KCNU1: variants seen among roughly 807,000 people sequenced by gnomAD.
KCNU1 encodes potassium channel subfamily U member 1.
Under a neutral mutation model 126.8 loss-of-function variants are expected in KCNU1, and 93 were observed. The observed-to-expected ratio is 0.73, with a 90% CI of 0.62 to 0.87. The LOEUF (loss-of-function observed/expected upper bound fraction) is 0.87, where lower values mean the gene tolerates loss of function less well. Ranked by LOEUF, KCNU1 falls within the 40% of genes least tolerant of loss-of-function variation. The pLI, the probability that KCNU1 is intolerant of heterozygous loss-of-function variation, is 0.00. For missense variants in KCNU1, 1,330 were observed against 1,367.1 expected (o/e 0.97, Z 0.43); for synonymous variants, 523 against 494.2 (o/e 1.06, Z -0.77).
At chr8:36,793,727 A>G (rs1287243624) in intron 2 of KCNU1, among the ~76,000 whole-genome samples, 1 of 148,634 alleles carries the variant, frequency 6.7e-6, no homozygotes, top group Non-Finnish European at 1.5e-5. Flanking sequence ...TAGTTGTCCT[A>G]GTGTAATTGT....
intron 10 of KCNU1, among the ~76,000 whole-genome samples, chr8:36,820,141 C>A (rs1377236895): frequency 6.6e-6 from 1 of 152,116 alleles, no homozygotes; most frequent in Non-Finnish European, 1.5e-5. Flanking sequence ...ATGAATGTAC[C>A]TACGTGGATG....
At chr8:36,875,999 A>G (rs1806266680) in intron 19 of KCNU1, among the ~76,000 whole-genome samples, 2 of 152,132 alleles carry the variant, frequency 1.3e-5, no homozygotes, top group South Asian at 4.1e-4. Flanking sequence ...TCAGCCTTGG[A>G]AACCAGTTTT....
At chr8:36,933,731 T>G (rs1000914831) in intron 26 of KCNU1, among the ~76,000 whole-genome samples, 1 of 152,020 alleles carries the variant, frequency 6.6e-6, no homozygotes, top group African/African-American at 2.4e-5. Context: ...TTACTCAAAG[T>G]GGAGTGGTCT....
chr8:36,854,139 T>G (rs4440631), intron 18 of KCNU1, among the ~76,000 whole-genome samples: 53,704 of 151,936 alleles, frequency 0.35, 10,049 homozygotes, highest in Admixed American at 0.43. Flanking sequence ...TCTTGCTGAC[T>G]TGAAGACCCT....
At chr8:36,803,834 C>T (rs1331503270) in intron 2 of KCNU1, among the ~76,000 whole-genome samples, 193 bp from the exon 3 acceptor site, 1 of 151,984 alleles carries the variant, frequency 6.6e-6, no homozygotes, top group African/African-American at 2.4e-5. Context: ...TTTTAATACT[C>T]AGAAAAGGTC....
chr8:36,893,128 CT>C (rs930189904), intron 19 of KCNU1, among the ~76,000 whole-genome samples: 1 of 140,124 alleles, frequency 7.1e-6, no homozygotes, highest in Non-Finnish European at 1.6e-5. Flanking sequence ...TGCCTAGCTA[CT>C]TTTTGTTTTT....
intron 7 of KCNU1, among the ~76,000 whole-genome samples, chr8:36,812,334 C>T (rs1803751203): frequency 7.0e-6 from 1 of 142,306 alleles, no homozygotes; most frequent in Admixed American, 7.2e-5. Context: ...GGGCTGAGAT[C>T]ATACCACTGC....
chr8:36,790,012 TA>T (rs1237654239), intron 2 of KCNU1, among the ~76,000 whole-genome samples: 20 of 152,136 alleles, frequency 1.3e-4, no homozygotes, highest in African/African-American at 4.3e-4. Flanking sequence ...TATTCTAAGG[TA>T]AAGGGATGTC....
At chr8:36,868,398 G>T (rs1467778732) in intron 19 of KCNU1, among the ~76,000 whole-genome samples, 2 of 152,046 alleles carry the variant, frequency 1.3e-5, no homozygotes, top group African/African-American at 4.8e-5. Flanking sequence ...TAAAGTATGT[G>T]CTATGTGCTA....
chr8:36,815,747 C>A, intron 9 of KCNU1, 60 bp downstream of exon 9: 1 of 948,540 alleles, frequency 1.1e-6, no homozygotes, highest in South Asian at 1.5e-5. Context: ...CCATATATCT[C>A]GTTCTAGACA....
Position 36,903,399 on chromosome 8 carries a change from A to G in KCNU1, c.2010-2309A>G, listed in dbSNP as rs138144829. ...TTGTATTTCTCCCAAGATGTAGAGT[A>G]AAATCGCATGGGAGAACATTGTTAT... On this transcript the variant is annotated intron_variant, in intron 19 of 26. Coordinates refer to ENST00000399881, the MANE Select transcript of KCNU1 (RefSeq NM_001031836.3). Among the ~76,000 whole-genome samples the G allele has an allele frequency of 1.9e-4, 29 of 152,312 alleles. No homozygotes were observed. In the East Asian group the frequency reaches 5.4e-3, roughly 28 times the overall value.
At chr8:36,787,802 ATAGT>A (rs1415418123) in intron 2 of KCNU1, among the ~76,000 whole-genome samples, 1 of 147,770 alleles carries the variant, frequency 6.8e-6, no homozygotes, top group Non-Finnish European at 1.5e-5. Context: ...CTTACTAATT[ATAGT>A]TAATTACTAA....
intron 16 of KCNU1, 40 bp from the exon 17 acceptor site, chr8:36,845,540 C>G: frequency 1.6e-6 from 2 of 1,217,328 alleles, no homozygotes; most frequent in Non-Finnish European, 2.4e-6. Context: ...CCACTGAAAT[C>G]AGAGGGAAAC....
Position 36,784,609 on chromosome 8 carries a change from A to G in KCNU1, c.195+4A>G. 1.2e-6 allele frequency: 2 copies of G among 1,605,916 alleles called. No homozygotes were observed. The highest frequency in any genetic ancestry group is 1.7e-6 in the Non-Finnish European group (2 of 1,174,764). ...CAAGGGAACAGGAATTATCTTGGTC[A>G]GTTTCCTTGTTAGGGATCCCTCTGT... On this transcript the variant is annotated splice_donor_region_variant and intron_variant, in intron 1 of 26. Coordinates refer to ENST00000399881, the MANE Select transcript of KCNU1 (RefSeq NM_001031836.3).
chr8:36,896,820 CT>C (rs1388439883), intron 19 of KCNU1, among the ~76,000 whole-genome samples: 1 of 151,978 alleles, frequency 6.6e-6, no homozygotes, highest in Non-Finnish European at 1.5e-5. Context: ...AACATTTCTT[CT>C]TGCAAAATAA....
intron 19 of KCNU1, among the ~76,000 whole-genome samples, chr8:36,892,343 G>C (rs1806996354): frequency 6.6e-6 from 1 of 151,660 alleles, no homozygotes; most frequent in Non-Finnish European, 1.5e-5. Flanking sequence ...CTGATATTTT[G>C]TATTCAGTGC....
At chr8:36,931,749 G>A (rs1808709854) in intron 25 of KCNU1, among the ~76,000 whole-genome samples, 1 of 152,042 alleles carries the variant, frequency 6.6e-6, no homozygotes, top group Admixed American at 6.6e-5. Flanking sequence ...GCTGAAATCA[G>A]GCAGAAGACT....
At chr8:36,933,265 C>T (rs1271843226) in intron 26 of KCNU1, among the ~76,000 whole-genome samples, 2 of 152,040 alleles carry the variant, frequency 1.3e-5, no homozygotes, top group Middle Eastern at 3.2e-3. Flanking sequence ...TCTCTGTCCC[C>T]CAGTGAAAAT....
rs1165542087 is a variant in KCNU1, at chr8:36,909,510, A to G, written c.2306A>G (p.Asn769Ser). 3 of 1,606,638 alleles carry G rather than the reference A, an allele frequency of 1.9e-6. No individual in the cohort carries two copies. Among genetic ancestry groups the G allele is most frequent in the Non-Finnish European group, 1.7e-6 (2 of 1,173,268 alleles). The change falls in exon 21 of 27, where the codon AAT becomes AGT. Residue 769 changes from asparagine to serine, a missense_variant. By Grantham distance (46) the Asn-to-Ser change is conservative. Coordinates refer to ENST00000399881, the MANE Select transcript of KCNU1 (RefSeq NM_001031836.3). ...CAGAGAGAATGGCGATTTCTCTGGA[A>G]TTTTCCCCAGATATACATTCTGCCT... is the stretch of plus-strand genomic sequence containing the variant. ...YLQREWRFLW[N>S]FPQIYILPGC...
Sources: gnomAD v4.1 joint callset for allele counts (sites outside exome capture counted in the v4.1 genomes callset) on GRCh38, gnomAD v4.1.1 for gene constraint, MANE v1.5 for transcripts, NCBI Gene and HGNC (gene_info 2026-07-23, HGNC 2026-07-21) for gene names.